Variants in GET4 observed in about 807,000 individuals in gnomAD.
GET4 encodes the protein guided entry of tail-anchored proteins factor 4.
A neutral mutation model predicts 40.0 loss-of-function variants in GET4; 20 were observed. That is an observed-to-expected ratio of 0.50 (90% CI 0.35 to 0.73). The LOEUF is 0.73. Ranked by LOEUF, GET4 falls within the 30% of genes least tolerant of loss-of-function variation. GET4 has a pLI of 0.01. For missense variants in GET4, 557 were observed against 454.0 expected, an observed-to-expected ratio of 1.23 and a Z score of -2.06; for synonymous variants, 280 against 194.6, an observed-to-expected ratio of 1.44 and a Z score of -3.65.
intron 1 of GET4, chr7:884,504 G>A (rs938303639): frequency 2.9e-5 from 14 of 485,058 alleles, no homozygotes; most frequent in Admixed American, 1.1e-4. Context: ...TCTTGGGTGC[G>A]GGCTTTTCCC....
At chr7:891,578 G>A (rs1032566257) in intron 5 of GET4, among the ~76,000 whole-genome samples, 9 of 152,228 alleles carry the variant, frequency 5.9e-5, no homozygotes, top group Admixed American at 2.0e-4. Flanking sequence ...GGCTCCGGGC[G>A]CTGCCTGCTC....
intron 6 of GET4, among the ~76,000 whole-genome samples, chr7:893,514 A>AC (rs1844388913): frequency 7.9e-6 from 1 of 126,488 alleles, no homozygotes; most frequent in African/African-American, 2.9e-5. Flanking sequence ...TGGTGGTTGC[A>AC]GGTGAGTGTT....
intron 1 of GET4, among the ~76,000 whole-genome samples, chr7:877,679 T>G: frequency 1.1e-5 from 1 of 87,270 alleles, no homozygotes; most frequent in African/African-American, 5.0e-5. Context: ...CCCCACCCCA[T>G]ATCTCCCTGT....
chr7:887,264 C>A, intron 3 of GET4, 106 bp from the exon 4 acceptor site: 1 of 1,160,522 alleles, frequency 8.6e-7, no homozygotes. Context: ...GCAGGTTCCT[C>A]TCCCTGTTAA....
intron 4 of GET4, among the ~76,000 whole-genome samples, chr7:888,077 G>C (rs1844230738): frequency 6.6e-6 from 1 of 152,208 alleles, no homozygotes; most frequent in African/African-American, 2.4e-5. Flanking sequence ...TCCCTGGGAT[G>C]GCAAGTGGCA....
At chr7:895,083 G>T (rs1474859919) in intron 8 of GET4, among the ~76,000 whole-genome samples, 1 of 151,262 alleles carries the variant, frequency 6.6e-6, no homozygotes. Context: ...GGCCCCGTTG[G>T]TGGACGTGGG....
At chr7:877,671 C>G (rs554693230) in intron 1 of GET4, among the ~76,000 whole-genome samples, 1 of 138,112 alleles carries the variant, frequency 7.2e-6, no homozygotes, top group Non-Finnish European at 1.6e-5. Flanking sequence ...CACCTGCTCC[C>G]CACCCCATAT....
rs528988409 is a variant in GET4 at position 876,979 on chromosome 7, C to G, written c.155+179C>G. On this transcript the variant is annotated intron_variant, in intron 1 of 8. Coordinates refer to ENST00000265857, the MANE Select transcript of GET4 (RefSeq NM_015949.3). ...TGGGCCGCGTCTCCGGGGTCTGGCC[C>G]TGTGTGGCCCGGCGCCCCCGTTCCC... Among the ~76,000 whole-genome samples, 4 of 151,842 alleles carry G rather than the reference C, an allele frequency of 2.6e-5. No individual in the cohort carries two copies. In the South Asian group the frequency reaches 8.3e-4, roughly 31 times the overall value.
chr7:895,323 C>A lies in GET4; in HGVS notation c.896-11C>A. The A allele has an allele frequency of 6.8e-7, 1 of 1,474,690 alleles. No individual in the cohort carries two copies. 91.4% of individuals were successfully genotyped at this position (1,474,690 alleles called of 1,614,324 possible). A position where few individuals can be genotyped will look rare whatever the true frequency, so the allele number is the denominator to read the frequency against. ...GCCCAGGCGTGACTGCCACGGTGTT[C>A]TTCTTTCCAGGGAACCTTCTGACCA... On this transcript the variant is annotated splice_polypyrimidine_tract_variant and intron_variant, in intron 8 of 8. Coordinates refer to ENST00000265857, the MANE Select transcript of GET4 (RefSeq NM_015949.3).
Position 891,080 on chromosome 7 carries a change from G to A in GET4, c.605+14G>A. On this transcript the variant is annotated intron_variant, in intron 5 of 8. Transcript: ENST00000265857. ...GGCCGTGCTACAGTAGGTGTCTGTGGCTCTTCGGGTCTCGGCTTCCATTGC... is the reference window on the plus strand; with the variant it reads ...GGCCGTGCTACAGTAGGTGTCTGTGACTCTTCGGGTCTCGGCTTCCATTGC... 1 of 1,573,216 alleles carries A rather than the reference G, an allele frequency of 6.4e-7. No individual in the cohort carries two copies. The highest frequency in any genetic ancestry group is 8.7e-7 in the Non-Finnish European group (1 of 1,155,920).
chr7:892,120 G>A (rs1844337919), intron 5 of GET4, among the ~76,000 whole-genome samples, 158 bp from the exon 6 acceptor site: 1 of 152,288 alleles, frequency 6.6e-6, no homozygotes, highest in Non-Finnish European at 1.5e-5. Flanking sequence ...CCCTGCACAT[G>A]AGGGAAGACA....
chr7:882,372 A>T (rs1462633123), intron 1 of GET4: 1 of 152,126 alleles, frequency 6.6e-6, no homozygotes, highest in African/African-American at 2.4e-5. Context: ...GGAATTGGGA[A>T]CCCAGCAGGT....
chr7:883,081 A>G (rs958798215), intron 1 of GET4: 4 of 152,240 alleles, frequency 2.6e-5, no homozygotes, highest in African/African-American at 7.2e-5. Flanking sequence ...CCCCTAGCCC[A>G]GGGCCTAAGA....
At chr7:879,570 C>G (rs1218555128) in intron 1 of GET4, among the ~76,000 whole-genome samples, 1 of 152,196 alleles carries the variant, frequency 6.6e-6, no homozygotes, top group Non-Finnish European at 1.5e-5. Flanking sequence ...AGACATCTTA[C>G]ATGACCTGAA....
chr7:887,600 T>A, intron 4 of GET4, 81 bp downstream of exon 4: 1 of 1,125,612 alleles, frequency 8.9e-7, no homozygotes, highest in Non-Finnish European at 1.2e-6. Flanking sequence ...TACATCAGGG[T>A]CACCCACCAG....
intron 1 of GET4, chr7:885,219 G>C (rs1585492871): frequency 6.6e-6 from 1 of 152,264 alleles, no homozygotes; most frequent in African/African-American, 2.4e-5. Context: ...CGATCATTAA[G>C]AAAAACGTGT....
At chr7:891,954 C>T (rs1033819216) in intron 5 of GET4, among the ~76,000 whole-genome samples, 16 of 152,198 alleles carry the variant, frequency 1.1e-4, no homozygotes, top group Admixed American at 2.0e-4. Flanking sequence ...TGTTCTGGTG[C>T]GGGCCAGCGC....
chr7:886,085 C>T lies in GET4; in HGVS notation c.185C>T (p.Ala62Val). The part of the protein sequence containing the change: ...RYMSQSKHTE[A>V]RELMYSGALL... ...ATGTCCCAGAGCAAGCACACGGAGG[C>T]CCGGGAGCTCATGTACTCGGGAGCC... The change falls in exon 2 of 9, where the codon GCC becomes GTC. Residue 62 changes from alanine (A) to valine (V), a missense_variant. Ala to Val is a moderately conservative substitution (Grantham distance 64, BLOSUM62 0). Coordinates refer to ENST00000265857, the MANE Select transcript of GET4 (RefSeq NM_015949.3). The T allele has an allele frequency of 6.2e-7, 1 of 1,609,946 alleles. No individual in the cohort carries two copies. Among genetic ancestry groups the T allele is most frequent in the Non-Finnish European group, 8.5e-7 (1 of 1,177,546 alleles).
intron 6 of GET4, 74 bp downstream of exon 6, chr7:892,492 G>T (rs1844349344): frequency 6.8e-7 from 1 of 1,467,438 alleles, no homozygotes; most frequent in South Asian, 1.2e-5. Flanking sequence ...GTGGATAGCT[G>T]TGTGGGTGTG....
Sources: allele counts gnomAD v4.1 joint callset (sites outside exome capture counted in the v4.1 genomes callset), GRCh38; gene constraint gnomAD v4.1.1; transcripts MANE v1.5; gene names NCBI Gene and HGNC (gene_info 2026-07-23, HGNC 2026-07-21).